The following RAC1 variants were observed in gnomAD, a reference collection of about 807,000 sequenced individuals.
RAC1 encodes the protein ras-related C3 botulinum toxin substrate 1.
In RAC1, 2 loss-of-function variants were observed where a neutral mutation model predicts 25.2. The ratio of observed to expected loss-of-function variants is 0.08; its 90% CI spans 0.03 to 0.25. The LOEUF is 0.25. RAC1 is among the 10% of genes least tolerant of loss of function. RAC1 has a pLI of 1.00. For missense variants in RAC1, 50 were observed against 235.7 expected (o/e 0.21, Z 5.16); for synonymous variants, 88 against 94.0 (o/e 0.94, Z 0.37).
At chr7:6,374,837 C>G (rs1782533339) in intron 1 of RAC1, 67 bp downstream of exon 1, 1 of 1,052,888 alleles carries the variant, frequency 9.5e-7, no homozygotes, top group African/African-American at 1.7e-5. Context: ...TGGGCCCGGA[C>G]TGGGGCCCAG....
intron 2 of RAC1, among the ~76,000 whole-genome samples, chr7:6,390,769 A>G (rs1322011540): frequency 6.6e-6 from 1 of 152,140 alleles, no homozygotes; most frequent in African/African-American, 2.4e-5. Context: ...TATTTTTGGT[A>G]TAGAATGAGG....
chr7:6,377,897 T>G (rs1782652102), intron 1 of RAC1, among the ~76,000 whole-genome samples: 1 of 152,056 alleles, frequency 6.6e-6, no homozygotes, highest in Non-Finnish European at 1.5e-5. Context: ...AGAGGGAAAC[T>G]GTCTTTTTTT....
chr7:6,394,796 C>G (rs564803466), intron 3 of RAC1, among the ~76,000 whole-genome samples: 2 of 151,770 alleles, frequency 1.3e-5, no homozygotes, highest in African/African-American at 2.4e-5. Flanking sequence ...CTTTCCCGCC[C>G]TAGTCTCTCA....
chr7:6,384,732 G>C (rs1483937301), intron 1 of RAC1, among the ~76,000 whole-genome samples: 1 of 149,634 alleles, frequency 6.7e-6, no homozygotes, highest in Non-Finnish European at 1.5e-5. Context: ...AGGCCCCTGT[G>C]CTGGGATTAT....
At chr7:6,384,037 C>T (rs1782853716) in intron 1 of RAC1, among the ~76,000 whole-genome samples, 2 of 151,792 alleles carry the variant, frequency 1.3e-5, no homozygotes, top group South Asian at 2.1e-4. Context: ...TCAGGTGATC[C>T]GCCCGCCTTG....
Position 6,384,765 on chromosome 7 carries a change from G to A in RAC1, c.36-2447G>A, listed in dbSNP as rs560569398. On this transcript the variant is annotated intron_variant, in intron 1 of 5. Transcript: ENST00000348035. ...TATAGCCTCCTGTGCTGGGATTACA[G>A]GCCTAAGCCACTGCACCAGGCTTTT... Among the ~76,000 whole-genome samples, 38 of 151,430 alleles carry A rather than the reference G, an allele frequency of 2.5e-4. No individual in the cohort carries two copies. The Middle Eastern group carries it at 0.014, about 55-fold the overall frequency.
At chr7:6,376,273 C>G (rs1353767234) in intron 1 of RAC1, among the ~76,000 whole-genome samples, 1 of 149,422 alleles carries the variant, frequency 6.7e-6, no homozygotes, top group Non-Finnish European at 1.5e-5. Flanking sequence ...ACCTCCGCCT[C>G]CCAGGTTCAA....
intron 1 of RAC1, among the ~76,000 whole-genome samples, chr7:6,383,815 T>TTTTTTTTC: frequency 8.2e-6 from 1 of 122,412 alleles, no homozygotes; most frequent in Non-Finnish European, 1.7e-5. Context: ...TTTTTTTTTT[T>TTTTTTTTC]TTTTGAGACG....
chr7:6,377,698 T>G (rs1468136825), intron 1 of RAC1, among the ~76,000 whole-genome samples: 1 of 152,176 alleles, frequency 6.6e-6, no homozygotes, highest in Non-Finnish European at 1.5e-5. Flanking sequence ...GCGGTTCACC[T>G]GAGGTCAGGA....
intron 3 of RAC1, chr7:6,398,695 C>G (rs143643351): frequency 6.2e-7 from 1 of 1,613,622 alleles, no homozygotes; most frequent in Non-Finnish European, 8.5e-7. Context: ...TATAACCTCC[C>G]GGGGCAAAGA....
chr7:6,378,948 A>G (rs139379955), intron 1 of RAC1, among the ~76,000 whole-genome samples: 3,015 of 151,926 alleles, frequency 0.02, 41 homozygotes, highest in Middle Eastern at 0.096. Context: ...AAATTAGCCA[A>G]GGATGGTGGG....
chr7:6,391,854 T>C, intron 2 of RAC1, 70 bp from the exon 3 acceptor site: 1 of 1,607,684 alleles, frequency 6.2e-7, no homozygotes, highest in South Asian at 1.1e-5. Context: ...TGGCACACCT[T>C]CTCTAGGATG....
intron 2 of RAC1, among the ~76,000 whole-genome samples, chr7:6,388,250 C>A (rs79851565): frequency 2.0e-5 from 3 of 151,918 alleles, no homozygotes; most frequent in African/African-American, 7.3e-5. Context: ...GGTGTCGCCT[C>A]CTCCCCACCT....
At chr7:6,384,636 T>A (rs2115190026) in intron 1 of RAC1, among the ~76,000 whole-genome samples, 1 of 152,064 alleles carries the variant, frequency 6.6e-6, no homozygotes, top group East Asian at 1.9e-4. Context: ...AGCCACCACT[T>A]ATTTTTGAAT....
At chr7:6,379,779 C>T (rs759586074) in intron 1 of RAC1, among the ~76,000 whole-genome samples, 9 of 151,998 alleles carry the variant, frequency 5.9e-5, no homozygotes, top group South Asian at 2.1e-4. Context: ...GATGGAGTCT[C>T]GCTCTGTCAC....
chr7:6,388,172 G>A (rs950449314), intron 2 of RAC1, among the ~76,000 whole-genome samples: 6 of 151,848 alleles, frequency 4.0e-5, no homozygotes, highest in East Asian at 1.9e-4. Flanking sequence ...ACCCGGGAGC[G>A]CACGTAGCTG....
At chr7:6,396,080 G>A (rs549179858) in intron 3 of RAC1, among the ~76,000 whole-genome samples, 7 of 152,158 alleles carry the variant, frequency 4.6e-5, no homozygotes, top group South Asian at 4.1e-4. Context: ...AAGGCACCAC[G>A]TGTGTAACAG....
chr7:6,402,578 C>T lies in RAC1; in HGVS notation c.*132C>T, dbSNP rs932355591. 5 of 884,134 alleles carry T rather than the reference C, an allele frequency of 5.7e-6. No individual in the cohort carries two copies. The highest frequency in any genetic ancestry group is 7.5e-6 in the Non-Finnish European group (5 of 669,842). 54.8% of individuals were successfully genotyped at this position (884,134 alleles called of 1,614,324 possible). ...CGCACTCAATGCCAACTTTTTGTTACAGATTAATTTTTCCATAAAACCATT... is the reference window on the plus strand; with the variant it reads ...CGCACTCAATGCCAACTTTTTGTTATAGATTAATTTTTCCATAAAACCATT... On this transcript the variant is annotated 3_prime_UTR_variant, in exon 6 of 6. Coordinates refer to ENST00000348035, the MANE Select transcript of RAC1 (RefSeq NM_006908.5).
intron 1 of RAC1, among the ~76,000 whole-genome samples, chr7:6,376,349 AT>A (rs1241607657): frequency 2.0e-5 from 3 of 151,090 alleles, no homozygotes; most frequent in Non-Finnish European, 4.4e-5. Flanking sequence ...TGTCCGGCTA[AT>A]TTTTGTATTT....
Sources: allele counts gnomAD v4.1 joint callset (sites outside exome capture counted in the v4.1 genomes callset), GRCh38; gene constraint gnomAD v4.1.1; transcripts MANE v1.5; gene names NCBI Gene and HGNC (gene_info 2026-07-23, HGNC 2026-07-21).